Variants in ADAM9 observed in about 807,000 individuals in gnomAD.
The protein encoded by ADAM9 is ADAM metallopeptidase domain 9.
Under a neutral mutation model 108.1 loss-of-function variants are expected in ADAM9, and 54 were observed. That is an observed-to-expected ratio of 0.50 (90% CI 0.40 to 0.63). The LOEUF (loss-of-function observed/expected upper bound fraction) is 0.63, where lower values mean the gene tolerates loss of function less well. Ranked by LOEUF, ADAM9 falls within the 20% of genes least tolerant of loss-of-function variation. The pLI, the probability that ADAM9 is intolerant of heterozygous loss-of-function variation, is 0.00. For missense variants in ADAM9, 830 were observed against 997.7 expected (o/e 0.83, Z 2.26); for synonymous variants, 316 against 336.0 (o/e 0.94, Z 0.65).
At chr8:39,046,320 C>T (rs978227541) in intron 12 of ADAM9, among the ~76,000 whole-genome samples, 8 of 151,828 alleles carry the variant, frequency 5.3e-5, no homozygotes, top group East Asian at 1.9e-4. Flanking sequence ...GTTTTGTTTC[C>T]TGCAACTTTA....
At chr8:39,103,457 G>A in intron 21 of ADAM9, 150 bp from the exon 22 acceptor site, 1 of 727,836 alleles carries the variant, frequency 1.4e-6, no homozygotes. Context: ...TTTAGCCATT[G>A]AATATCACCC....
intron 18 of ADAM9, among the ~76,000 whole-genome samples, chr8:39,085,407 C>A (rs1265489546): frequency 1.3e-5 from 2 of 152,028 alleles, no homozygotes; most frequent in Non-Finnish European, 2.9e-5. Context: ...TTATATTTAC[C>A]CATATAATTA....
intron 3 of ADAM9, among the ~76,000 whole-genome samples, chr8:39,013,569 C>G (rs980338370): frequency 2.0e-5 from 3 of 148,688 alleles, no homozygotes; most frequent in African/African-American, 7.5e-5. Context: ...GAGGCATGAT[C>G]ATAGCTCACT....
At chr8:39,089,698 T>A in intron 18 of ADAM9, 1 of 264,070 alleles carries the variant, frequency 3.8e-6, no homozygotes, top group South Asian at 4.7e-5. Flanking sequence ...AACGAGGAGG[T>A]CCACTATGTA....
intron 14 of ADAM9, among the ~76,000 whole-genome samples, chr8:39,067,618 TG>T (rs1464732762): frequency 6.6e-6 from 1 of 152,262 alleles, no homozygotes; most frequent in Non-Finnish European, 1.5e-5. Context: ...TTGCTGAAGT[TG>T]CTTATCAGCT....
chr8:39,093,411 G>T (rs960039550), intron 20 of ADAM9, among the ~76,000 whole-genome samples: 1 of 152,174 alleles, frequency 6.6e-6, no homozygotes, highest in African/African-American at 2.4e-5. Flanking sequence ...GTAGTGTATA[G>T]AAATACTAGT....
intron 11 of ADAM9, among the ~76,000 whole-genome samples, chr8:39,027,570 C>G (rs1330561053): frequency 1.3e-5 from 2 of 152,176 alleles, no homozygotes; most frequent in Non-Finnish European, 2.9e-5. Context: ...TCTGAGAACC[C>G]TTTCCTGTCC....
At chr8:39,070,867 A>G (rs984094380) in intron 14 of ADAM9, among the ~76,000 whole-genome samples, 23 of 152,214 alleles carry the variant, frequency 1.5e-4, no homozygotes, top group African/African-American at 5.3e-4. Context: ...AAGCATCCAT[A>G]TATGATAAAT....
chr8:39,068,445 C>A (rs902111631), intron 14 of ADAM9, among the ~76,000 whole-genome samples: 2 of 151,868 alleles, frequency 1.3e-5, no homozygotes, highest in African/African-American at 4.8e-5. Context: ...GAGGCCGAGG[C>A]ATGTGGATTG....
At chr8:39,067,205 T>C (rs1206267847) in intron 14 of ADAM9, among the ~76,000 whole-genome samples, 1 of 152,212 alleles carries the variant, frequency 6.6e-6, no homozygotes, top group Non-Finnish European at 1.5e-5. Flanking sequence ...AGCTTTGTTC[T>C]TTTGGCTTAG....
intron 14 of ADAM9, among the ~76,000 whole-genome samples, chr8:39,056,161 G>A (rs568558477): frequency 6.6e-6 from 1 of 151,994 alleles, no homozygotes; most frequent in Non-Finnish European, 1.5e-5. Context: ...AATGGATCAT[G>A]ATTTAGTTAT....
intron 2 of ADAM9, among the ~76,000 whole-genome samples, chr8:39,009,964 ACC>A (rs550382857): frequency 9.4e-6 from 1 of 106,522 alleles, no homozygotes. Flanking sequence ...ACAAAAACAA[ACC>A]CCCCCCCCCA....
chr8:38,998,338 ACACT>A (rs1835889252), intron 1 of ADAM9, among the ~76,000 whole-genome samples: 1 of 152,212 alleles, frequency 6.6e-6, no homozygotes, highest in African/African-American at 2.4e-5. Context: ...TAGATGGTTA[ACACT>A]CACCGATGTT....
At chr8:39,100,515 G>A (rs1357742275) in intron 20 of ADAM9, among the ~76,000 whole-genome samples, 1 of 151,632 alleles carries the variant, frequency 6.6e-6, no homozygotes. Flanking sequence ...AAAAGATTCA[G>A]TGAAGCTAAT....
intron 18 of ADAM9, among the ~76,000 whole-genome samples, chr8:39,084,558 G>GAACA (rs987585133): frequency 6.6e-6 from 1 of 151,410 alleles, no homozygotes; most frequent in Non-Finnish European, 1.5e-5. Flanking sequence ...TGTAGCAAGA[G>GAACA]AACATATTGT....
At chr8:39,050,677 ATTG>A (rs1403662063) in intron 12 of ADAM9, among the ~76,000 whole-genome samples, 3 of 151,740 alleles carry the variant, frequency 2.0e-5, no homozygotes, top group South Asian at 4.2e-4. Context: ...TGCCTTTTCT[ATTG>A]TTGTTAGCGC....
In ADAM9 at chr8:39,077,563, G is replaced by A. The variant is rs989405856; in HGVS notation, c.1881+152G>A. 16 of 800,566 alleles carry A rather than the reference G, an allele frequency of 2.0e-5. No individual in the cohort carries two copies. In the African/African-American group the frequency reaches 2.8e-4, roughly 14 times the overall value. 49.6% of individuals were successfully genotyped at this position (800,566 alleles called of 1,614,324 possible). On this transcript the variant is annotated intron_variant, in intron 16 of 21. Coordinates refer to ENST00000487273, the MANE Select transcript of ADAM9 (RefSeq NM_003816.3). The stretch of plus-strand genomic sequence containing the variant: ...TACAAAGCCACCAAAAGAAAATTAA[G>A]AACTATAATTCTGTTATCCACATTT...
intron 12 of ADAM9, among the ~76,000 whole-genome samples, chr8:39,045,283 TATGTGTGTGTACACCTATAC>T (rs1169253792): frequency 0.014 from 1,408 of 99,740 alleles, 122 homozygotes; most frequent in African/African-American, 0.032. Context: ...TACATATGTA[TATGTGTGTGTACACCTATAC>T]ATGTGTGTGT....
chr8:39,048,174 G>C (rs1261172172), intron 12 of ADAM9, among the ~76,000 whole-genome samples: 3 of 152,102 alleles, frequency 2.0e-5, no homozygotes, highest in Non-Finnish European at 4.4e-5. Context: ...ACCCGCCTTG[G>C]TCTGGGATTA....
Sources: gnomAD v4.1 joint callset for allele counts (sites outside exome capture counted in the v4.1 genomes callset) on GRCh38, gnomAD v4.1.1 for gene constraint, MANE v1.5 for transcripts, NCBI Gene and HGNC (gene_info 2026-07-23, HGNC 2026-07-21) for gene names.